Variants in FOXP1 observed in about 807,000 individuals in gnomAD.
FOXP1 encodes forkhead box protein P1.
A neutral mutation model predicts 98.2 loss-of-function variants in FOXP1; 15 were observed. The observed-to-expected ratio is 0.15, with a 90% CI of 0.10 to 0.24. The LOEUF (loss-of-function observed/expected upper bound fraction) is 0.24. FOXP1 is among the 10% of genes least tolerant of loss of function. FOXP1 has a pLI of 1.00. For synonymous variants in FOXP1, 371 were observed against 314.5 expected (o/e 1.18, Z -1.90); for missense variants, 633 against 848.5 (o/e 0.75, Z 3.15).
chr3:71,512,895 C>T (rs1206613225), intron 2 of FOXP1, among the ~76,000 whole-genome samples: 7 of 152,164 alleles, frequency 4.6e-5, no homozygotes, highest in African/African-American at 1.4e-4. Flanking sequence ...GCCAGCCCTA[C>T]GGCTCAAGCA....
chr3:71,450,812 T>C (rs1480447630), intron 3 of FOXP1, among the ~76,000 whole-genome samples: 1 of 151,998 alleles, frequency 6.6e-6, no homozygotes, highest in Non-Finnish European at 1.5e-5. Flanking sequence ...CCTAATTATA[T>C]ATACTAAGCA....
Position 71,023,504 on chromosome 3 carries a change from C to T in FOXP1, c.870-7851G>A, listed in dbSNP as rs577314792. Among the ~76,000 whole-genome samples, 6 of 152,288 alleles carry T rather than the reference C, an allele frequency of 3.9e-5. No homozygotes were observed. In the South Asian group the frequency reaches 1.2e-3, roughly 32 times the overall value. On this transcript the variant is annotated intron_variant, in intron 11 of 20. Transcript: ENST00000649528. ...ACACTTACGCTACAATGGCAGGCAT[C>T]GATGGAAGCCACTACTATTTTAAAG...
intron 3 of FOXP1, among the ~76,000 whole-genome samples, chr3:71,449,816 T>C (rs984020841): frequency 6.6e-6 from 1 of 152,222 alleles, no homozygotes; most frequent in Non-Finnish European, 1.5e-5. Context: ...CATTGTTTCA[T>C]TAGATAAATA....
intron 5 of FOXP1, chr3:71,244,816 T>C (rs2067589928): frequency 6.6e-6 from 1 of 152,102 alleles, no homozygotes; most frequent in African/African-American, 2.4e-5. Flanking sequence ...AGCATTAGTT[T>C]GAGTGACAAA....
intron 3 of FOXP1, among the ~76,000 whole-genome samples, chr3:71,477,524 T>G (rs1420588943): frequency 6.6e-6 from 1 of 152,228 alleles, no homozygotes; most frequent in East Asian, 1.9e-4. Context: ...AAATTTTTGA[T>G]TCAAATAATT....
chr3:70,958,965 G>A lies in FOXP1; in HGVS notation c.*282C>T. 2.2e-6 allele frequency: 1 copy of A among 446,114 alleles called. No individual in the cohort carries two copies. The highest frequency in any genetic ancestry group is 4.2e-6 in the Non-Finnish European group (1 of 239,866). 27.6% of individuals were successfully genotyped at this position (446,114 alleles called of 1,614,324 possible). ...ATCAGTTTAGCAAATTTACAACACT[G>A]ATGTTGACGGTTAAGAGAGGAAAAT... On this transcript the variant is annotated 3_prime_UTR_variant, in exon 21 of 21. Coordinates refer to ENST00000649528, the MANE Select transcript of FOXP1 (RefSeq NM_001349338.3).
rs114464865 is a variant in FOXP1, at chr3:71,529,796, G to T, written c.-297-36241C>A. Among the ~76,000 whole-genome samples, 552 of 152,238 alleles carry T rather than the reference G, an allele frequency of 3.6e-3. 7 individuals are homozygous for T. Among genetic ancestry groups the T allele is most frequent in the African/African-American group, 0.013 (526 of 41,540 alleles). The stretch of plus-strand genomic sequence containing the variant: ...CCCCTTCCTACATACCTTGTCCTGC[G>T]ACTGTCTTCCATTTGGCTGTTCATC... On this transcript the variant is annotated intron_variant, in intron 2 of 20. Coordinates refer to ENST00000649528, the MANE Select transcript of FOXP1 (RefSeq NM_001349338.3).
chr3:71,174,358 A>G (rs1346322900), intron 6 of FOXP1, among the ~76,000 whole-genome samples: 1 of 152,102 alleles, frequency 6.6e-6, no homozygotes, highest in African/African-American at 2.4e-5. Context: ...GATTTGCTTG[A>G]GCCCAGCTGC....
chr3:71,477,010 C>T (rs896909666), intron 3 of FOXP1, among the ~76,000 whole-genome samples: 1 of 152,142 alleles, frequency 6.6e-6, no homozygotes, highest in African/African-American at 2.4e-5. Context: ...TTAAGAGACA[C>T]CTTTGGTTTT....
intron 3 of FOXP1, among the ~76,000 whole-genome samples, chr3:71,462,356 G>A (rs2088221831): frequency 6.6e-6 from 1 of 152,134 alleles, no homozygotes; most frequent in East Asian, 1.9e-4. Context: ...TCATGTCACA[G>A]AATCAGCTCA....
intron 4 of FOXP1, among the ~76,000 whole-genome samples, chr3:71,348,553 G>GTGTGCGCGCGCGCGCGCA (rs1553853270): frequency 1.1e-4 from 15 of 130,638 alleles, no homozygotes; most frequent in African/African-American, 4.1e-4. Context: ...GTGTGTGCGT[G>GTGTGCGCGCGCGCGCGCA]CGCGCGCGCA....
intron 3 of FOXP1, among the ~76,000 whole-genome samples, chr3:71,418,187 GACCAT>G (rs1159467770): frequency 6.6e-6 from 1 of 151,612 alleles, no homozygotes; most frequent in Non-Finnish European, 1.5e-5. Flanking sequence ...GGATTTCTAT[GACCAT>G]ACACTTGAGA....
intron 7 of FOXP1, among the ~76,000 whole-genome samples, chr3:71,106,902 T>C (rs1430036454): frequency 1.3e-5 from 2 of 151,242 alleles, no homozygotes; most frequent in African/African-American, 4.9e-5. Context: ...GCCATCAGAG[T>C]AGCTGGGACT....
At chr3:71,110,132 T>C (rs536532207) in intron 7 of FOXP1, among the ~76,000 whole-genome samples, 30 of 152,126 alleles carry the variant, frequency 2.0e-4, no homozygotes, top group Non-Finnish European at 3.2e-4. Context: ...CTAAAAACCC[T>C]GTAACAGGCA....
At chr3:71,134,531 A>C (rs2059725555) in intron 6 of FOXP1, among the ~76,000 whole-genome samples, 2 of 152,232 alleles carry the variant, frequency 1.3e-5, no homozygotes, top group South Asian at 4.1e-4. Context: ...AGCCAAGGAA[A>C]TACTGCCAAA....
intron 6 of FOXP1, among the ~76,000 whole-genome samples, chr3:71,195,913 G>C (rs568704143): frequency 1.3e-5 from 2 of 152,288 alleles, no homozygotes; most frequent in African/African-American, 2.4e-5. Flanking sequence ...GATAACTCTA[G>C]TCCTGTAGAA....
intron 6 of FOXP1, among the ~76,000 whole-genome samples, chr3:71,113,449 G>A (rs1343514481): frequency 6.6e-6 from 1 of 152,132 alleles, no homozygotes; most frequent in Non-Finnish European, 1.5e-5. Context: ...AGTTCAAGCA[G>A]GCTGGGCGTT....
chr3:71,499,932 A>G (rs1286462177), intron 2 of FOXP1, among the ~76,000 whole-genome samples: 2 of 152,346 alleles, frequency 1.3e-5, no homozygotes, highest in African/African-American at 4.8e-5. Flanking sequence ...TTCTGTTTTT[A>G]AAATAATAAT....
chr3:71,246,000 C>A (rs2067710407), intron 5 of FOXP1, among the ~76,000 whole-genome samples: 1 of 54,774 alleles, frequency 1.8e-5, no homozygotes, highest in South Asian at 5.5e-4. Flanking sequence ...CGAAAACCAC[C>A]CCCCCCCCAC....
Sources: allele counts gnomAD v4.1 joint callset (sites outside exome capture counted in the v4.1 genomes callset), GRCh38; gene constraint gnomAD v4.1.1; transcripts MANE v1.5; gene names NCBI Gene and HGNC (gene_info 2026-07-23, HGNC 2026-07-21).